The following DCAF7 variants were observed in gnomAD, a reference collection of about 807,000 sequenced individuals.
The protein encoded by DCAF7 is DDB1- and CUL4-associated factor 7.
DCAF7 carries 4 observed loss-of-function variants against 41.2 expected under a neutral mutation model. The ratio of observed to expected loss-of-function variants is 0.10; its 90% CI spans 0.05 to 0.22. The LOEUF (loss-of-function observed/expected upper bound fraction) is 0.22, where lower values mean the gene tolerates loss of function less well. Among genes scored for constraint, DCAF7 ranks in the 10% least tolerant of loss-of-function variants. The probability of loss-of-function intolerance (pLI) is 1.00; values close to 1 mark genes in which losing one functional copy is unlikely to be tolerated. For synonymous variants in DCAF7, 143 were observed against 164.2 expected, an observed-to-expected ratio of 0.87 and a Z score of 0.99; for missense variants, 131 against 443.2, an observed-to-expected ratio of 0.30 and a Z score of 6.32.
chr17:63,579,556 C>A, intron 3 of DCAF7, 108 bp downstream of exon 3: 1 of 812,200 alleles, frequency 1.2e-6, no homozygotes, highest in Non-Finnish European at 2.0e-6. Flanking sequence ...GGGAAGTAGG[C>A]TAGGCGTGGA....
chr17:63,560,955 G>A (rs1568098357), intron 1 of DCAF7, among the ~76,000 whole-genome samples: 1 of 152,228 alleles, frequency 6.6e-6, no homozygotes, highest in South Asian at 2.1e-4. Flanking sequence ...TACAGGCTGG[G>A]CGTGATGGCT....
chr17:63,550,920 T>G lies in DCAF7; in HGVS notation c.138+105T>G, dbSNP rs1260303849. On this transcript the variant is annotated intron_variant, in intron 1 of 6. Transcript: ENST00000614556. The surrounding 1 kb of genome is among the most constrained non-coding windows in gnomAD (Gnocchi z 4.8). ...TCAGAACCCTCTTGCGGACTCGCCC[T>G]AGGGCCACGGAGCGGTTCCTCTGTC... 3 of 1,484,818 alleles carry G rather than the reference T, an allele frequency of 2.0e-6. No homozygotes were observed. The African/African-American group carries it at 4.2e-5, about 21-fold the overall frequency. 92.0% of individuals were successfully genotyped at this position (1,484,818 alleles called of 1,614,324 possible).
intron 1 of DCAF7, among the ~76,000 whole-genome samples, chr17:63,574,788 C>T (rs965715604): frequency 6.6e-6 from 1 of 152,048 alleles, no homozygotes; most frequent in Non-Finnish European, 1.5e-5. Flanking sequence ...GCCTGGGCAA[C>T]ATGGCAAAAC....
At chr17:63,555,025 C>A (rs2033296327) in intron 1 of DCAF7, among the ~76,000 whole-genome samples, 1 of 152,154 alleles carries the variant, frequency 6.6e-6, no homozygotes, top group African/African-American at 2.4e-5. Flanking sequence ...AGTTTAAATC[C>A]ATTTTCTCTT....
Position 63,580,298 on chromosome 17 carries a change from G to A in DCAF7, c.528+355G>A, listed in dbSNP as rs1341016337. Among the ~76,000 whole-genome samples, 3 of 152,112 alleles carry A rather than the reference G, an allele frequency of 2.0e-5. No homozygotes were observed. The East Asian group carries it at 5.8e-4, about 29-fold the overall frequency. ...CTTGAAACAGATTAGATTTGGGGAG[G>A]AAAGAAGGGAGACAGGAAGAGAAAA... On this transcript the variant is annotated intron_variant, in intron 4 of 6. Transcript: ENST00000614556.
At chr17:63,565,477 A>G (rs1443144149) in intron 1 of DCAF7, among the ~76,000 whole-genome samples, 1 of 152,038 alleles carries the variant, frequency 6.6e-6, no homozygotes, top group African/African-American at 2.4e-5. Flanking sequence ...GAGGCAGGAG[A>G]ATCACTTGAA....
chr17:63,589,337 C>T lies in DCAF7; in HGVS notation c.*165C>T, dbSNP rs1193366068. On this transcript the variant is annotated 3_prime_UTR_variant, in exon 7 of 7. Coordinates refer to ENST00000614556, the MANE Select transcript of DCAF7 (RefSeq NM_005828.5). ...AGGAGTTCCTGGCCAGTCACCCCAT[C>T]GCCCTCTGTGGCAGACTCAGTGCTG... 1.6e-5 allele frequency: 15 copies of T among 930,060 alleles called. No individual in the cohort carries two copies. Among genetic ancestry groups the T allele is most frequent in the Non-Finnish European group, 2.4e-5 (14 of 594,820 alleles). The allele number at this position is 930,060 out of a possible 1,614,324, so 57.6% of individuals were successfully genotyped here. A position where few individuals can be genotyped will look rare whatever the true frequency, so the allele number is the denominator to read the frequency against.
At position 63,550,794 on chromosome 17, in the gene DCAF7, C is replaced by T. The variant is rs1313062219; in HGVS notation, c.117C>T (p.Phe39=). Residue 39 remains phenylalanine (F), a synonymous_variant, in exon 1 of 7, where the codon TTC becomes TTT. Transcript: ENST00000614556. This position sits in a 1 kb window ranked among gnomAD's most constrained non-coding sequence, Gnocchi z 4.8. ...DKRFRLALGS[F]VEEYNNKVQL... is the part of the protein sequence containing the mutation. ...GCTTTCGCTTGGCGCTGGGCAGCTT[C>T]GTGGAGGAGTACAACAACAAGGTGG... 6.2e-7 allele frequency: 1 copy of T among 1,613,808 alleles called. No homozygotes were observed. The highest frequency in any genetic ancestry group is 8.5e-7 in the Non-Finnish European group (1 of 1,179,802).
rs140203454 is a variant in DCAF7 at position 63,592,085 on chromosome 17, G to C, written c.*2913G>C. On this transcript the variant is annotated 3_prime_UTR_variant, in exon 7 of 7. Coordinates refer to ENST00000614556, the MANE Select transcript of DCAF7 (RefSeq NM_005828.5). Reference sequence around the variant, plus strand: ...AGGGAGGAATTAGCCTGCAAGGTTAGGACTTGAAGAGGGAAGGTATTTAAT... The same window carrying C: ...AGGGAGGAATTAGCCTGCAAGGTTACGACTTGAAGAGGGAAGGTATTTAAT... 2 of 152,220 alleles carry C rather than the reference G, an allele frequency of 1.3e-5. No individual in the cohort carries two copies. Among genetic ancestry groups the C allele is most frequent in the African/African-American group, 4.8e-5 (2 of 41,422 alleles). 9.4% of individuals were successfully genotyped at this position (152,220 alleles called of 1,614,324 possible).
intron 1 of DCAF7, among the ~76,000 whole-genome samples, chr17:63,560,039 C>T (rs2033364244): frequency 6.6e-6 from 1 of 151,856 alleles, no homozygotes; most frequent in Non-Finnish European, 1.5e-5. Flanking sequence ...ATCTGCAAAT[C>T]ACCAGGAGAC....
intron 1 of DCAF7, among the ~76,000 whole-genome samples, chr17:63,576,739 C>T (rs981385033): frequency 2.6e-5 from 4 of 152,080 alleles, no homozygotes; most frequent in Admixed American, 2.0e-4. Context: ...CATAAGGAGA[C>T]CCCATCTCTA....
intron 3 of DCAF7, 112 bp from the exon 4 acceptor site, chr17:63,579,713 G>A: frequency 1.1e-6 from 1 of 933,540 alleles, no homozygotes; most frequent in Non-Finnish European, 1.6e-6. Context: ...CTTGTTTTCT[G>A]TAGTCTTTAT....
intron 4 of DCAF7, among the ~76,000 whole-genome samples, chr17:63,582,527 G>A (rs1249578328): frequency 6.6e-6 from 1 of 150,998 alleles, no homozygotes; most frequent in Admixed American, 6.6e-5. Flanking sequence ...GGAGTGCAAT[G>A]GCCTGATCTC....
chr17:63,552,068 ACT>A (rs1292363864), intron 1 of DCAF7, among the ~76,000 whole-genome samples: 9 of 151,576 alleles, frequency 5.9e-5, no homozygotes, highest in Non-Finnish European at 1.3e-4. Context: ...ACAGAGTGAG[ACT>A]CTGTCTCAGA....
chr17:63,579,969 T>C, intron 4 of DCAF7, 26 bp downstream of exon 4: 1 of 1,579,340 alleles, frequency 6.3e-7, no homozygotes. Context: ...ATTTCGTCTT[T>C]CCTCAAATGC....
At chr17:63,565,534 C>G (rs2033431123) in intron 1 of DCAF7, among the ~76,000 whole-genome samples, 1 of 151,780 alleles carries the variant, frequency 6.6e-6, no homozygotes, top group African/African-American at 2.4e-5. Flanking sequence ...CCATTGCACT[C>G]CAGCCTGGGC....
intron 1 of DCAF7, among the ~76,000 whole-genome samples, chr17:63,558,057 G>A (rs980639219): frequency 4.0e-5 from 6 of 151,742 alleles, no homozygotes; most frequent in Non-Finnish European, 7.4e-5. Flanking sequence ...CACCACGCCC[G>A]CTAATTTTTG....
chr17:63,566,877 G>A (rs1038491779), intron 1 of DCAF7, among the ~76,000 whole-genome samples: 6 of 152,164 alleles, frequency 3.9e-5, no homozygotes, highest in African/African-American at 1.4e-4. Flanking sequence ...TCATGCCACC[G>A]CTCTACAGTT....
chr17:63,586,826 G>C (rs2033682114), intron 6 of DCAF7, among the ~76,000 whole-genome samples: 1 of 151,980 alleles, frequency 6.6e-6, no homozygotes, highest in Non-Finnish European at 1.5e-5. Context: ...ATGCCAATCT[G>C]TTATTTAAAT....
Sources: allele counts gnomAD v4.1 joint callset (sites outside exome capture counted in the v4.1 genomes callset), GRCh38; gene constraint gnomAD v4.1.1; non-coding constraint Gnocchi (gnomAD v3.1); transcripts MANE v1.5; gene names NCBI Gene and HGNC (gene_info 2026-07-23, HGNC 2026-07-21).